The following CADPS variants were observed in gnomAD, a reference collection of about 807,000 sequenced individuals.
CADPS encodes the protein calcium-dependent secretion activator 1.
CADPS carries 57 observed loss-of-function variants against 167.3 expected under a neutral mutation model. The ratio of observed to expected loss-of-function variants is 0.34; its 90% confidence interval spans 0.28 to 0.42. The LOEUF is 0.42. Among genes scored for constraint, CADPS ranks in the 20% least tolerant of loss-of-function variants. The pLI is 1.00. For synonymous variants in CADPS, 676 were observed against 635.3 expected (o/e 1.06, Z -0.96); for missense variants, 1,414 against 1,738.1 (o/e 0.81, Z 3.32).
chr3:62,874,650 C>G lies in CADPS; in HGVS notation c.380G>C (p.Arg127Pro). Residue 127 changes from arginine to proline, a missense_variant, in exon 1 of 30, where the codon CGC becomes CCC. This residue lies in a region of CADPS where 522 missense variants were observed against 559.5 expected (regional missense o/e 0.93). Coordinates refer to ENST00000383710, the MANE Select transcript of CADPS (RefSeq NM_003716.4). The surrounding 1 kb of genome is among the most constrained non-coding windows in gnomAD (Gnocchi z 7.1). ...KRLQLYVFVMRCIAYPFNAKQ... is the reference protein window; with the variant it reads ...KRLQLYVFVMPCIAYPFNAKQ... ...GGCATTAAAGGGGTAGGCGATGCAG[C>G]GCATCACGAACACATACAGCTGCAG... The G allele has an allele frequency of 6.4e-7, 1 of 1,559,772 alleles. No homozygotes were observed. The highest frequency in any genetic ancestry group is 8.7e-7 in the Non-Finnish European group (1 of 1,151,188).
chr3:62,540,847 CT>C (rs1349591327), intron 11 of CADPS, among the ~76,000 whole-genome samples: 1 of 152,060 alleles, frequency 6.6e-6, no homozygotes, highest in East Asian at 1.9e-4. Context: ...CATTTTTTCC[CT>C]GTACAAACAG....
chr3:62,724,400 GA>G (rs1159344824), intron 3 of CADPS, among the ~76,000 whole-genome samples: 1 of 142,810 alleles, frequency 7.0e-6, no homozygotes, highest in Non-Finnish European at 1.5e-5. Flanking sequence ...CATGGACTAA[GA>G]AACAATAACA....
At chr3:62,416,023 AT>A (rs1271831690) in intron 28 of CADPS, among the ~76,000 whole-genome samples, 1 of 151,956 alleles carries the variant, frequency 6.6e-6, no homozygotes, top group East Asian at 1.9e-4. Flanking sequence ...TTGAAAGAAT[AT>A]TTTTCTCAGT....
chr3:62,859,230 G>C (rs912216499), intron 1 of CADPS, among the ~76,000 whole-genome samples: 1 of 152,020 alleles, frequency 6.6e-6, no homozygotes, highest in African/African-American at 2.4e-5. Context: ...TTATTGCCAG[G>C]TCATAAGGAA....
rs1464238485 is a variant in CADPS, at chr3:62,438,807, C to G, written c.3670-596G>C. On this transcript the variant is annotated intron_variant, in intron 27 of 29. Coordinates refer to ENST00000383710, the MANE Select transcript of CADPS (RefSeq NM_003716.4). This position sits in a 1 kb window ranked among gnomAD's most constrained non-coding sequence, Gnocchi z 4.7. ...GTATTTGCTAATTAATTAGTTCACT[C>G]AGAGGAGACACTAAACCATTTGTCT... is the stretch of plus-strand genomic sequence containing the variant. 6.6e-6 allele frequency: 1 copy of G among 151,184 alleles called. No individual in the cohort carries two copies. The highest frequency in any genetic ancestry group is 2.4e-5 in the African/African-American group (1 of 41,060). 9.4% of individuals were successfully genotyped at this position (151,184 alleles called of 1,614,324 possible). A position where few individuals can be genotyped will look rare whatever the true frequency, so the allele number is the denominator to read the frequency against.
chr3:62,798,482 T>G (rs1032530502), intron 1 of CADPS, among the ~76,000 whole-genome samples: 8 of 152,258 alleles, frequency 5.3e-5, no homozygotes, highest in African/African-American at 1.7e-4. Flanking sequence ...TTTTTGGGAC[T>G]TGGACTGGCT....
chr3:62,515,959 C>G, intron 16 of CADPS, 100 bp downstream of exon 16: 1 of 1,429,418 alleles, frequency 7.0e-7, no homozygotes, highest in South Asian at 1.2e-5. Context: ...TATACTCAGA[C>G]GGACCACTGT....
intron 3 of CADPS, among the ~76,000 whole-genome samples, chr3:62,734,188 C>T (rs150274486): frequency 2.6e-5 from 4 of 152,274 alleles, no homozygotes; most frequent in Non-Finnish European, 5.9e-5. Flanking sequence ...TGTACCCATT[C>T]ATAAATACCA....
At chr3:62,721,193 G>A (rs1326225849) in intron 3 of CADPS, among the ~76,000 whole-genome samples, 2 of 150,100 alleles carry the variant, frequency 1.3e-5, no homozygotes, top group African/African-American at 2.5e-5. Flanking sequence ...TCTGTGTGAG[G>A]AAAGAAGGCA....
chr3:62,594,814 G>T (rs2058693627), intron 6 of CADPS, among the ~76,000 whole-genome samples: 1 of 152,198 alleles, frequency 6.6e-6, no homozygotes, highest in Non-Finnish European at 1.5e-5. Flanking sequence ...TTCAAGGCTT[G>T]AGATGCCTAT....
At chr3:62,516,308 T>A in intron 15 of CADPS, 126 bp from the exon 16 acceptor site, 1 of 1,262,134 alleles carries the variant, frequency 7.9e-7, no homozygotes, top group Non-Finnish European at 1.1e-6. Flanking sequence ...GAGCCATGCT[T>A]AAAGAGAAAG....
intron 6 of CADPS, among the ~76,000 whole-genome samples, chr3:62,623,175 ATG>A (rs1438370460): frequency 2.0e-5 from 3 of 152,164 alleles, no homozygotes; most frequent in Non-Finnish European, 4.4e-5. Flanking sequence ...TAAGTCCCAC[ATG>A]TGAGGTGAAG....
chr3:62,787,632 G>C (rs1015606217), intron 1 of CADPS, among the ~76,000 whole-genome samples: 10 of 152,106 alleles, frequency 6.6e-5, no homozygotes, highest in Admixed American at 3.3e-4. Context: ...GATAGGATGT[G>C]TGTTCAAAAT....
intron 11 of CADPS, among the ~76,000 whole-genome samples, chr3:62,548,183 A>G (rs773928764): frequency 4.6e-5 from 7 of 152,178 alleles, no homozygotes; most frequent in African/African-American, 7.2e-5. Context: ...ACAAAGGAGC[A>G]TGTTGCCCAA....
intron 11 of CADPS, among the ~76,000 whole-genome samples, chr3:62,543,185 A>G (rs889774786): frequency 1.3e-5 from 2 of 152,184 alleles, no homozygotes; most frequent in African/African-American, 2.4e-5. Context: ...GAAAAGGGAC[A>G]TGATTTACAG....
At chr3:62,855,425 T>C (rs377327562) in intron 1 of CADPS, among the ~76,000 whole-genome samples, 11 of 152,138 alleles carry the variant, frequency 7.2e-5, no homozygotes, top group African/African-American at 2.4e-4. Context: ...ACGTACTATG[T>C]TATCATGCCA....
chr3:62,613,851 A>G (rs116741351), intron 6 of CADPS, among the ~76,000 whole-genome samples: 2,311 of 152,208 alleles, frequency 0.015, 25 homozygotes, highest in Non-Finnish European at 0.027. Context: ...CAGCCATTCA[A>G]TTTGCTGTGG....
chr3:62,829,902 C>G (rs2074758929), intron 1 of CADPS, among the ~76,000 whole-genome samples: 1 of 152,144 alleles, frequency 6.6e-6, no homozygotes, highest in Non-Finnish European at 1.5e-5. Flanking sequence ...TTGACTGTAA[C>G]ATTCAGGACC....
At chr3:62,740,992 A>G (rs2080108269) in intron 3 of CADPS, among the ~76,000 whole-genome samples, 1 of 152,212 alleles carries the variant, frequency 6.6e-6, no homozygotes, top group Non-Finnish European at 1.5e-5. Flanking sequence ...TGCATTGTAT[A>G]CTTATTGAAG....
Sources: allele counts gnomAD v4.1 joint callset (sites outside exome capture counted in the v4.1 genomes callset), GRCh38; gene constraint gnomAD v4.1.1; regional missense constraint gnomAD v4.1.1; non-coding constraint Gnocchi (gnomAD v3.1); transcripts MANE v1.5; gene names NCBI Gene and HGNC (gene_info 2026-07-23, HGNC 2026-07-21).